The following ABCC2 variants were observed in gnomAD, a reference collection of about 807,000 sequenced individuals.
ABCC2 encodes ATP-binding cassette sub-family C member 2.
A neutral mutation model predicts 173.4 loss-of-function variants in ABCC2; 157 were observed. The observed-to-expected ratio is 0.91, with a 90% CI of 0.80 to 1.03. The LOEUF is 1.03. Among genes scored for constraint, ABCC2 ranks in the 50% least tolerant of loss-of-function variants. The pLI is 0.00. For synonymous variants in ABCC2, 657 were observed against 693.5 expected (o/e 0.95, Z 0.83); for missense variants, 1,822 against 1,852.3 (o/e 0.98, Z 0.30).
chr10:99,831,739 C>T lies in ABCC2; in HGVS notation c.3012C>T (p.Thr1004=). 6.2e-7 allele frequency: 1 copy of T among 1,614,188 alleles called. No homozygotes were observed. The highest frequency in any genetic ancestry group is 1.7e-5 in the Admixed American group (1 of 60,014). ...IGSNLWLSAW[T]SDSKIFNSTD... ...CCAACCTCTGGCTCAGTGCTTGGAC[C>T]AGTGACTCTAAAATCTTCAATAGCA... Residue 1004 remains threonine, a synonymous_variant, in exon 22 of 32, where the codon ACC becomes ACT. Coordinates refer to ENST00000647814, the MANE Select transcript of ABCC2 (RefSeq NM_000392.5).
At chr10:99,821,648 C>T (rs2038539693) in intron 19 of ABCC2, among the ~76,000 whole-genome samples, 1 of 152,206 alleles carries the variant, frequency 6.6e-6, no homozygotes, top group Non-Finnish European at 1.5e-5. Context: ...TGACACAGCA[C>T]ATGTTTCAGA....
At position 99,786,092 on chromosome 10, in the gene ABCC2, A is replaced by T. The variant is rs1041071867; in HGVS notation, c.207+1311A>T. Among the ~76,000 whole-genome samples, 4 of 152,092 alleles carry T rather than the reference A, an allele frequency of 2.6e-5. No individual in the cohort carries two copies. The East Asian group carries it at 7.7e-4, about 29-fold the overall frequency. On this transcript the variant is annotated intron_variant, in intron 2 of 31. Coordinates refer to ENST00000647814, the MANE Select transcript of ABCC2 (RefSeq NM_000392.5). ...CCATCACAGGACCTAGCATGTTTCA[A>T]ACACTCCCACTGGAATACAACATTT...
intron 6 of ABCC2, among the ~76,000 whole-genome samples, chr10:99,795,801 A>AAGAAAGAAAGAAAGAAAGAG (rs58906337): frequency 1.5e-4 from 15 of 102,280 alleles, no homozygotes; most frequent in African/African-American, 5.5e-4. Flanking sequence ...GAAAGAAAGA[A>AAGAAAGAAAGAAAGAAAGAG]AGATTTCTAA....
chr10:99,851,503 G>A lies in ABCC2; in HGVS notation c.4510G>A (p.Val1504Ile). ...TTATTTCTTTCTTCCTTGTTTCAGG[G>A]TAATGGTCCTAGACAACGGGAAGAT... is the stretch of plus-strand genomic sequence containing the variant. ...RLHTIMDSDK[V>I]MVLDNGKIIE... Residue 1504 changes from valine to isoleucine, a missense_variant and splice_region_variant, in exon 32 of 32, where the codon GTA becomes ATA. Val to Ile is a conservative substitution (Grantham distance 29). Coordinates refer to ENST00000647814, the MANE Select transcript of ABCC2 (RefSeq NM_000392.5). 1 of 1,613,990 alleles carries A rather than the reference G, an allele frequency of 6.2e-7. No individual in the cohort carries two copies. Among genetic ancestry groups the A allele is most frequent in the East Asian group, 2.2e-5 (1 of 44,872 alleles).
rs759252777 is a variant in ABCC2 at position 99,804,135 on chromosome 10, G to T, written c.1326G>T (p.Trp442Cys). Reference protein sequence around the residue: ...MDVTNFMHMLWSSVLQIVLSI... With the variant: ...MDVTNFMHMLCSSVLQIVLSI... ...TGACCAACTTCATGCACATGCTGTG[G>T]TCAAGTGTTCTACAGATTGTCTTAT... Residue 442 changes from tryptophan (W) to cysteine (C), a missense_variant, in exon 10 of 32, where the codon TGG becomes TGT. Coordinates refer to ENST00000647814, the MANE Select transcript of ABCC2 (RefSeq NM_000392.5). 1.2e-6 allele frequency: 2 copies of T among 1,614,014 alleles called. No homozygotes were observed. Among genetic ancestry groups the T allele is most frequent in the African/African-American group, 2.7e-5 (2 of 74,908 alleles).
At chr10:99,849,762 C>T (rs145339089) in intron 30 of ABCC2, among the ~76,000 whole-genome samples, 2 of 152,304 alleles carry the variant, frequency 1.3e-5, no homozygotes, top group Non-Finnish European at 2.9e-5. Context: ...CTTCTCATCT[C>T]CTGCAGAAAT....
rs568424220 is a variant in ABCC2, at chr10:99,832,082, G to C, written c.3209G>C (p.Arg1070Thr). The C allele has an allele frequency of 6.2e-7, 1 of 1,614,184 alleles. No homozygotes were observed. Among genetic ancestry groups the C allele is most frequent in the African/African-American group, 1.3e-5 (1 of 75,032 alleles). ...LLNNILRAPMRFFDTTPTGRI... is the reference protein window; with the variant it reads ...LLNNILRAPMTFFDTTPTGRI... ...AACAATATCCTTCGAGCACCTATGA[G>C]ATTTTTTGACACAACACCCACAGGC... The change falls in exon 23 of 32, where the codon AGA (arginine) becomes ACA (threonine). Residue 1070 changes from arginine (R) to threonine (T), a missense_variant. Coordinates refer to ENST00000647814, the MANE Select transcript of ABCC2 (RefSeq NM_000392.5).
At chr10:99,843,582 C>T (rs541023241) in intron 26 of ABCC2, among the ~76,000 whole-genome samples, 28 of 152,334 alleles carry the variant, frequency 1.8e-4, no homozygotes, top group Non-Finnish European at 2.6e-4. Flanking sequence ...CATTGCCCTT[C>T]GCGTGAGCAC....
At chr10:99,844,928 C>T (rs896840904) in intron 28 of ABCC2, among the ~76,000 whole-genome samples, 1 of 152,218 alleles carries the variant, frequency 6.6e-6, no homozygotes, top group African/African-American at 2.4e-5. Flanking sequence ...TGAGCAAGGA[C>T]GCTGAGGTCC....
chr10:99,812,503 G>A (rs775560005), intron 15 of ABCC2, among the ~76,000 whole-genome samples: 15 of 152,222 alleles, frequency 9.9e-5, no homozygotes, highest in South Asian at 2.1e-4. Flanking sequence ...TTTAGGAGAA[G>A]GGCCAGGGAA....
intron 1 of ABCC2, among the ~76,000 whole-genome samples, chr10:99,784,084 A>C (rs2037664386): frequency 6.7e-6 from 1 of 148,446 alleles, no homozygotes; most frequent in Admixed American, 6.9e-5. Context: ...CTTCTGTCCA[A>C]CAATGCTGTT....
At chr10:99,789,755 G>A (rs868297186) in intron 2 of ABCC2, among the ~76,000 whole-genome samples, 1,871 of 105,272 alleles carry the variant, frequency 0.018, 49 homozygotes, top group African/African-American at 0.061. Context: ...GAAAGAAAAG[G>A]AAAGGTGGAG....
chr10:99,827,512 C>T (rs980676188), intron 19 of ABCC2, among the ~76,000 whole-genome samples: 2 of 151,988 alleles, frequency 1.3e-5, no homozygotes, highest in East Asian at 1.9e-4. Context: ...GGAACTGAAA[C>T]GCTATCTTCT....
intron 14 of ABCC2, among the ~76,000 whole-genome samples, 177 bp downstream of exon 14, chr10:99,810,395 T>C (rs1261928546): frequency 6.6e-6 from 1 of 152,226 alleles, no homozygotes; most frequent in African/African-American, 2.4e-5. Flanking sequence ...TTAGAGCAGA[T>C]TGCTCAACTA....
chr10:99,785,631 C>A (rs913611731), intron 2 of ABCC2, among the ~76,000 whole-genome samples: 1 of 152,082 alleles, frequency 6.6e-6, no homozygotes, highest in African/African-American at 2.4e-5. Flanking sequence ...ATTCTTATGC[C>A]TCAACCCCTC....
rs56199535 is a variant in ABCC2, at chr10:99,818,820, C to A, written c.2302C>A (p.Arg768=). Residue 768 remains arginine, a synonymous_variant, in exon 18 of 32, where the codon CGG becomes AGG. Coordinates refer to ENST00000647814, the MANE Select transcript of ABCC2 (RefSeq NM_000392.5). Reference sequence around the variant, plus strand: ...AAATCTTAGTGGGGGTCAGAAGCAGCGGATCAGCCTGGCCAGAGCTACCTA... The same window carrying A: ...AAATCTTAGTGGGGGTCAGAAGCAGAGGATCAGCCTGGCCAGAGCTACCTA... The part of the protein sequence containing the change: ...GINLSGGQKQ[R]ISLARATYQN... 10 of 1,613,998 alleles carry A rather than the reference C, an allele frequency of 6.2e-6. No individual in the cohort carries two copies. Among genetic ancestry groups the A allele is most frequent in the Non-Finnish European group, 7.6e-6 (9 of 1,180,036 alleles).
intron 14 of ABCC2, 80 bp downstream of exon 14, chr10:99,810,298 C>A: frequency 2.8e-6 from 3 of 1,072,876 alleles, no homozygotes; most frequent in South Asian, 1.3e-5. Flanking sequence ...AGCTTAGTAG[C>A]AGCAAACTGA....
rs762210886 is a variant in ABCC2 at position 99,852,556 on chromosome 10, A to T, written c.*925A>T. On this transcript the variant is annotated 3_prime_UTR_variant, in exon 32 of 32. Coordinates refer to ENST00000647814, the MANE Select transcript of ABCC2 (RefSeq NM_000392.5). ...CTTGTATGTCTTGTGAATTTTTATT[A>T]TAAGCTCGTTCTCCTTAAAACTTTA... Among the ~76,000 whole-genome samples, 11 of 152,144 alleles carry T rather than the reference A, an allele frequency of 7.2e-5. No homozygotes were observed. Among genetic ancestry groups the T allele is most frequent in the Non-Finnish European group, 1.2e-4 (8 of 68,024 alleles).
At chr10:99,839,417 T>C (rs1274963457) in intron 25 of ABCC2, among the ~76,000 whole-genome samples, 5 of 41,210 alleles carry the variant, frequency 1.2e-4, no homozygotes, top group Non-Finnish European at 1.9e-4. Context: ...GGCGGGGGGC[T>C]GACCCCCCCA....
Sources: allele counts gnomAD v4.1 joint callset (sites outside exome capture counted in the v4.1 genomes callset), GRCh38; gene constraint gnomAD v4.1.1; transcripts MANE v1.5; gene names NCBI Gene and HGNC (gene_info 2026-07-23, HGNC 2026-07-21).